RUNX2: variants seen among roughly 807,000 people sequenced by gnomAD.
The protein encoded by RUNX2 is RUNX family transcription factor 2.
RUNX2 carries 10 observed loss-of-function variants against 51.7 expected under a neutral mutation model. That is an observed-to-expected ratio of 0.19 (90% CI 0.12 to 0.33). The LOEUF (loss-of-function observed/expected upper bound fraction) is 0.33. RUNX2 is among the 10% of genes least tolerant of loss of function. The pLI, the probability that RUNX2 is intolerant of heterozygous loss-of-function variation, is 1.00. For synonymous variants in RUNX2, 276 were observed against 273.6 expected, an observed-to-expected ratio of 1.01 and a Z score of -0.09; for missense variants, 562 against 691.3, an observed-to-expected ratio of 0.81 and a Z score of 2.10.
rs368806344 is a variant in RUNX2 at position 45,364,169 on chromosome 6, C to A, written c.58+35385C>A. On this transcript the variant is annotated intron_variant, in intron 2 of 8. Transcript: ENST00000647337. ...AACTAATAAATATTAATAGATATAACCCTCATAAACAAATATTCTTCAGGA... is the reference window on the plus strand; with the variant it reads ...AACTAATAAATATTAATAGATATAAACCTCATAAACAAATATTCTTCAGGA... Among the ~76,000 whole-genome samples the A allele has an allele frequency of 2.0e-4, 31 of 151,642 alleles. No homozygotes were observed. In the East Asian group the frequency reaches 5.4e-3, roughly 27 times the overall value.
At chr6:45,541,952 G>C (rs981364345) in intron 7 of RUNX2, among the ~76,000 whole-genome samples, 1 of 151,992 alleles carries the variant, frequency 6.6e-6, no homozygotes, top group African/African-American at 2.4e-5. Flanking sequence ...TAAAGTAAAG[G>C]CCTTCAAATG....
chr6:45,502,192 C>T (rs2150413722), intron 6 of RUNX2, among the ~76,000 whole-genome samples: 1 of 152,260 alleles, frequency 6.6e-6, no homozygotes, highest in East Asian at 1.9e-4. Context: ...TATCTTGGAG[C>T]AGAGACTTGA....
rs187544352 is a variant in RUNX2, at chr6:45,352,226, C to T, written c.58+23442C>T. Among the ~76,000 whole-genome samples the T allele has an allele frequency of 2.5e-3, 382 of 152,214 alleles. 1 individual carries two copies. The highest frequency in any genetic ancestry group is 6.8e-3 in the South Asian group (33 of 4,826). ...AAAGGACTTACAAATAACCTTTGAT[C>T]GTCTACCTGACAATTTCAGCCTTAG... On this transcript the variant is annotated intron_variant, in intron 2 of 8. Transcript: ENST00000647337.
At chr6:45,452,790 A>G (rs1799211458) in intron 5 of RUNX2, among the ~76,000 whole-genome samples, 1 of 152,208 alleles carries the variant, frequency 6.6e-6, no homozygotes, top group Non-Finnish European at 1.5e-5. Context: ...GAAACAGGTG[A>G]CACAACAAGG....
chr6:45,500,672 A>G (rs1365387708), intron 6 of RUNX2, among the ~76,000 whole-genome samples: 1 of 152,188 alleles, frequency 6.6e-6, no homozygotes, highest in Non-Finnish European at 1.5e-5. Flanking sequence ...AATGGTGGGA[A>G]TGGAAAATGA....
At chr6:45,371,454 G>A (rs1796066969) in intron 2 of RUNX2, among the ~76,000 whole-genome samples, 2 of 151,284 alleles carry the variant, frequency 1.3e-5, no homozygotes, top group Admixed American at 6.6e-5. Flanking sequence ...TACCAATGAG[G>A]AAACTAAGAC....
intron 2 of RUNX2, among the ~76,000 whole-genome samples, chr6:45,381,392 TG>T (rs1181871393): frequency 6.6e-6 from 1 of 152,244 alleles, no homozygotes; most frequent in Non-Finnish European, 1.5e-5. Flanking sequence ...TTTCAGCATT[TG>T]TGCTACAAAA....
intron 5 of RUNX2, among the ~76,000 whole-genome samples, chr6:45,464,263 G>A (rs1163134264): frequency 6.6e-6 from 1 of 152,046 alleles, no homozygotes; most frequent in Non-Finnish European, 1.5e-5. Flanking sequence ...GGTTCTCTGT[G>A]TATCAGGGAC....
At chr6:45,445,165 C>T (rs1435699844) in intron 5 of RUNX2, among the ~76,000 whole-genome samples, 4 of 152,074 alleles carry the variant, frequency 2.6e-5, no homozygotes, top group African/African-American at 7.2e-5. Context: ...GCTGGGATTA[C>T]AAGTGTGTGC....
At chr6:45,463,592 G>T (rs1234952788) in intron 5 of RUNX2, among the ~76,000 whole-genome samples, 2 of 152,110 alleles carry the variant, frequency 1.3e-5, no homozygotes, top group Non-Finnish European at 2.9e-5. Context: ...GTAAAGCAAA[G>T]AAATCTATAC....
At chr6:45,428,465 A>G (rs1027791598) in intron 3 of RUNX2, among the ~76,000 whole-genome samples, 1 of 152,198 alleles carries the variant, frequency 6.6e-6, no homozygotes, top group Non-Finnish European at 1.5e-5. Context: ...TAGCAGAAAA[A>G]AAACCAATAT....
At chr6:45,540,923 GC>G (rs1209419858) in intron 7 of RUNX2, among the ~76,000 whole-genome samples, 3 of 152,208 alleles carry the variant, frequency 2.0e-5, no homozygotes, top group Non-Finnish European at 2.9e-5. Flanking sequence ...GCTCCTGTCT[GC>G]AATGTGAGGT....
At chr6:45,511,297 A>C (rs1351371509) in intron 6 of RUNX2, among the ~76,000 whole-genome samples, 17 of 152,240 alleles carry the variant, frequency 1.1e-4, no homozygotes, top group Non-Finnish European at 4.4e-5. Context: ...ATGTTCAGCA[A>C]TTAAACCTAA....
intron 5 of RUNX2, among the ~76,000 whole-genome samples, chr6:45,460,619 T>A (rs1799448151): frequency 1.3e-5 from 2 of 152,000 alleles, no homozygotes; most frequent in African/African-American, 2.4e-5. Flanking sequence ...TTGAGCTGGG[T>A]TTGGTGGCAT....
chr6:45,430,845 T>C (rs1042908042), intron 3 of RUNX2, among the ~76,000 whole-genome samples: 2 of 152,116 alleles, frequency 1.3e-5, no homozygotes, highest in African/African-American at 4.8e-5. Context: ...AATCTGAATA[T>C]AGAGTCCTGG....
intron 7 of RUNX2, among the ~76,000 whole-genome samples, chr6:45,523,157 C>T (rs1211839312): frequency 6.6e-6 from 1 of 152,044 alleles, no homozygotes; most frequent in Non-Finnish European, 1.5e-5. Flanking sequence ...CACTGACATC[C>T]CTATGTCTTA....
chr6:45,373,653 C>T (rs1455398924), intron 2 of RUNX2, among the ~76,000 whole-genome samples: 4 of 152,060 alleles, frequency 2.6e-5, no homozygotes, highest in South Asian at 2.1e-4. Context: ...CGGGTTCAAG[C>T]GATTCTCCTG....
chr6:45,516,825 TA>T (rs1390668468), intron 7 of RUNX2, among the ~76,000 whole-genome samples: 1 of 152,236 alleles, frequency 6.6e-6, no homozygotes, highest in Non-Finnish European at 1.5e-5. Context: ...ACTATGTAAA[TA>T]AATAATTGCT....
At chr6:45,346,567 C>CTTTTTTTTTTTTTTTTTTTTTTTTT (rs71745024) in intron 2 of RUNX2, among the ~76,000 whole-genome samples, 1 of 140,430 alleles carries the variant, frequency 7.1e-6, no homozygotes, top group African/African-American at 2.6e-5. Flanking sequence ...ATAAACATTT[C>CTTTTTTTTTTTTTTTTTTTTTTTTT]TTTTTTTTTT....
Sources: allele counts gnomAD v4.1 joint callset (sites outside exome capture counted in the v4.1 genomes callset), GRCh38; gene constraint gnomAD v4.1.1; transcripts MANE v1.5; gene names NCBI Gene and HGNC (gene_info 2026-07-23, HGNC 2026-07-21).